MROH9: variants seen among roughly 807,000 people sequenced by gnomAD.
The protein encoded by MROH9 is maestro heat like repeat family member 9, also known as maestro heat-like repeat-containing protein family member 9.
In MROH9, 92 loss-of-function variants were observed where a neutral mutation model predicts 98.2. That is an observed-to-expected ratio of 0.94 (90% CI 0.79 to 1.11). MROH9 has a LOEUF of 1.11. Among genes scored for constraint, MROH9 ranks in the 50% most tolerant of loss-of-function variants. The pLI, the probability that MROH9 is intolerant of heterozygous loss-of-function variation, is 0.00. For missense variants in MROH9, 1,057 were observed against 1,014.8 expected (o/e 1.04, Z -0.57); for synonymous variants, 397 against 368.9 (o/e 1.08, Z -0.87).
At chr1:170,941,654 A>C (rs1458690918) in intron 1 of MROH9, among the ~76,000 whole-genome samples, 1 of 152,040 alleles carries the variant, frequency 6.6e-6, no homozygotes, top group African/African-American at 2.4e-5. Context: ...CTGAAATCCA[A>C]TTATCCTCAT....
intron 10 of MROH9, among the ~76,000 whole-genome samples, chr1:170,987,155 C>A (rs1477442143): frequency 6.6e-6 from 1 of 152,076 alleles, no homozygotes; most frequent in Non-Finnish European, 1.5e-5. Context: ...CCATGCCTGG[C>A]CTGAGAATTT....
chr1:170,971,883 G>T lies in MROH9; in HGVS notation c.616G>T (p.Asp206Tyr), dbSNP rs775083114. The change falls in exon 8 of 22, where the codon GAT becomes TAT. Residue 206 changes from aspartate to tyrosine, a missense_variant and splice_region_variant. Physicochemically the swap from Asp to Tyr is radical, Grantham distance 160. Transcript: ENST00000367759. ...HLLYIARCQN[D>Y]IGTNKPTNGK... Reference sequence around the variant, plus strand: ...CCTCTACATTGCACGGTGTCAGAACGGTAAGAACAGTTCACCATCTTTTCT... The same window carrying T: ...CCTCTACATTGCACGGTGTCAGAACTGTAAGAACAGTTCACCATCTTTTCT... 6 of 1,613,520 alleles carry T rather than the reference G, an allele frequency of 3.7e-6. No homozygotes were observed. Among genetic ancestry groups the T allele is most frequent in the Non-Finnish European group, 5.1e-6 (6 of 1,179,582 alleles).
chr1:170,983,838 T>C (rs1354308941), intron 9 of MROH9, among the ~76,000 whole-genome samples: 2 of 152,206 alleles, frequency 1.3e-5, no homozygotes, highest in Non-Finnish European at 2.9e-5. Context: ...TCACTAAAAA[T>C]GGAGAACTTC....
intron 16 of MROH9, 29 bp downstream of exon 16, chr1:171,014,283 C>T (rs1318964116): frequency 6.5e-7 from 1 of 1,532,674 alleles, no homozygotes; most frequent in Admixed American, 2.0e-5. Context: ...TGTCTGCAAG[C>T]ATCATCTAAA....
At chr1:170,972,837 C>CATAT (rs1210953635) in intron 8 of MROH9, among the ~76,000 whole-genome samples, 2 of 143,650 alleles carry the variant, frequency 1.4e-5, no homozygotes, top group African/African-American at 5.7e-5. Flanking sequence ...AATACACACA[C>CATAT]ACACACACAC....
Position 170,986,565 on chromosome 1 carries a change from T to A in MROH9, c.734T>A (p.Val245Glu). Residue 245 changes from valine (V) to glutamate (E), a missense_variant, in exon 10 of 22, where the codon GTA becomes GAA. By Grantham distance (121) the Val-to-Glu change is moderately radical. Coordinates refer to ENST00000367759, the MANE Select transcript of MROH9 (RefSeq NM_001163629.2). The stretch of plus-strand genomic sequence containing the variant: ...GATTATCCTTTGTGGTTGCAGAGAG[T>A]AGGGCAAACCTTACTGCCTCCCTTG... ...QQDESKIAQR[V>E]GQTLLPPLLT... The A allele has an allele frequency of 3.1e-6, 5 of 1,613,010 alleles. No individual in the cohort carries two copies. Among genetic ancestry groups the A allele is most frequent in the African/African-American group, 1.3e-5 (1 of 74,942 alleles).
intron 20 of MROH9, among the ~76,000 whole-genome samples, chr1:171,034,034 A>T (rs1045814283): frequency 2.6e-5 from 4 of 152,160 alleles, no homozygotes; most frequent in African/African-American, 7.2e-5. Context: ...ATGCATTCAG[A>T]CAAAAAAAAT....
chr1:171,018,046 C>A (rs974045427), intron 17 of MROH9, among the ~76,000 whole-genome samples: 1 of 152,152 alleles, frequency 6.6e-6, no homozygotes, highest in Admixed American at 6.5e-5. Flanking sequence ...CAAGGGACAG[C>A]CAAAGTGCTT....
chr1:170,947,631 T>G, intron 3 of MROH9, 58 bp downstream of exon 3: 1 of 1,417,474 alleles, frequency 7.1e-7, no homozygotes, highest in Non-Finnish European at 9.9e-7. Context: ...AAAAATAACT[T>G]TTTACTGTTT....
rs1234343083 is a variant in MROH9, at chr1:170,973,382, T to C, written c.616+1499T>C. ...CGAGGTACAGTACTCAGACGGGTTTTGTCTCATTAGGAGAAAAAAAATCAT... is the reference window on the plus strand; with the variant it reads ...CGAGGTACAGTACTCAGACGGGTTTCGTCTCATTAGGAGAAAAAAAATCAT... On this transcript the variant is annotated intron_variant, in intron 8 of 21. Coordinates refer to ENST00000367759, the MANE Select transcript of MROH9 (RefSeq NM_001163629.2). Among the ~76,000 whole-genome samples the C allele has an allele frequency of 3.9e-5, 6 of 152,284 alleles. No homozygotes were observed. The South Asian group carries it at 1.2e-3, about 32-fold the overall frequency.
intron 15 of MROH9, chr1:170,998,584 G>A: frequency 7.5e-7 from 1 of 1,335,886 alleles, no homozygotes; most frequent in East Asian, 3.0e-5. Context: ...TATATTGAGG[G>A]ATAATTGGGT....
intron 9 of MROH9, among the ~76,000 whole-genome samples, chr1:170,985,888 T>C (rs1651112646): frequency 6.6e-6 from 1 of 152,084 alleles, no homozygotes; most frequent in Admixed American, 6.6e-5. Flanking sequence ...CTCCATCCCT[T>C]TAAGGAGAGT....
intron 16 of MROH9, among the ~76,000 whole-genome samples, chr1:171,015,358 TC>T (rs1332399552): frequency 6.6e-6 from 1 of 152,166 alleles, no homozygotes; most frequent in Non-Finnish European, 1.5e-5. Flanking sequence ...TGTCAAGACT[TC>T]CTAGGAGAGT....
intron 16 of MROH9, chr1:171,015,173 T>C (rs961990743): frequency 7.2e-6 from 3 of 415,688 alleles, no homozygotes; most frequent in African/African-American, 6.1e-5. Context: ...CTGAAGCCTA[T>C]CAGTGGACAC....
intron 11 of MROH9, among the ~76,000 whole-genome samples, chr1:170,991,705 A>G (rs377350161): frequency 7.9e-5 from 12 of 152,114 alleles, no homozygotes; most frequent in African/African-American, 2.6e-4. Context: ...TTTTGTTTTT[A>G]TTTTTATTAT....
At chr1:171,024,311 TGTGTGTGTG>T in intron 17 of MROH9, 75 bp from the exon 18 acceptor site, 1 of 888,820 alleles carries the variant, frequency 1.1e-6, no homozygotes, top group Non-Finnish European at 1.8e-6. Flanking sequence ...GGGGTGTGTG[TGTGTGTGTG>T]TGTGTGTGTG....
chr1:170,985,909 C>A (rs181260241), intron 9 of MROH9, among the ~76,000 whole-genome samples: 1 of 152,036 alleles, frequency 6.6e-6, no homozygotes, highest in African/African-American at 2.4e-5. Context: ...GAAGAAAAAC[C>A]TTTATTGGTG....
chr1:170,972,515 T>C (rs1307773968), intron 8 of MROH9, among the ~76,000 whole-genome samples: 5 of 152,052 alleles, frequency 3.3e-5, no homozygotes, highest in Non-Finnish European at 7.4e-5. Flanking sequence ...ACCTTAAAAA[T>C]ATACATAGTT....
At chr1:171,018,787 G>T (rs555102277) in intron 17 of MROH9, among the ~76,000 whole-genome samples, 2 of 152,178 alleles carry the variant, frequency 1.3e-5, no homozygotes, top group Non-Finnish European at 2.9e-5. Flanking sequence ...AATCGATGAA[G>T]CAGAAGAAAC....
Sources: allele counts gnomAD v4.1 joint callset (sites outside exome capture counted in the v4.1 genomes callset), GRCh38; gene constraint gnomAD v4.1.1; transcripts MANE v1.5; gene names NCBI Gene and HGNC (gene_info 2026-07-23, HGNC 2026-07-21).